Variants in SMYD3 observed in about 807,000 individuals in gnomAD.
The protein encoded by SMYD3 is SET and MYND domain containing 3.
A neutral mutation model predicts 57.7 loss-of-function variants in SMYD3; 36 were observed. The observed-to-expected ratio is 0.62, with a 90% CI of 0.48 to 0.82. The LOEUF is 0.82. SMYD3 is among the 40% of genes least tolerant of loss of function. The pLI, the probability that SMYD3 is intolerant of heterozygous loss-of-function variation, is 0.00. For synonymous variants in SMYD3, 211 were observed against 195.0 expected, an observed-to-expected ratio of 1.08 and a Z score of -0.68; for missense variants, 515 against 538.8, an observed-to-expected ratio of 0.96 and a Z score of 0.44.
At chr1:245,912,937 T>G (rs972454215) in intron 8 of SMYD3, among the ~76,000 whole-genome samples, 1 of 152,186 alleles carries the variant, frequency 6.6e-6, no homozygotes, top group Non-Finnish European at 1.5e-5. Context: ...GTTCAACCAT[T>G]GTGGAAAACA....
intron 10 of SMYD3, among the ~76,000 whole-genome samples, chr1:245,775,834 T>C (rs976731132): frequency 2.0e-5 from 3 of 150,748 alleles, no homozygotes; most frequent in Non-Finnish European, 4.4e-5. Context: ...CAAAGAAAAA[T>C]TGAAAATTTG....
At chr1:246,234,066 A>T (rs2148457446) in intron 5 of SMYD3, among the ~76,000 whole-genome samples, 1 of 141,430 alleles carries the variant, frequency 7.1e-6, no homozygotes, top group African/African-American at 2.6e-5. Context: ...CACAGAGGAG[A>T]AGCACTCCTT....
intron 1 of SMYD3, among the ~76,000 whole-genome samples, chr1:246,409,846 T>C (rs2066933051): frequency 6.6e-6 from 1 of 152,222 alleles, no homozygotes; most frequent in African/African-American, 2.4e-5. Flanking sequence ...TCCTCTTTTA[T>C]TTCATTGAGC....
chr1:245,800,679 G>C (rs1156453626), intron 10 of SMYD3, among the ~76,000 whole-genome samples: 2 of 152,150 alleles, frequency 1.3e-5, no homozygotes, highest in African/African-American at 4.8e-5. Context: ...TGTTCTTAAA[G>C]ACTGTTTTGT....
chr1:246,255,558 T>C (rs2063868853), intron 5 of SMYD3, among the ~76,000 whole-genome samples: 1 of 152,026 alleles, frequency 6.6e-6, no homozygotes, highest in Non-Finnish European at 1.5e-5. Context: ...GTTTTTGATG[T>C]GCTGTTTTAT....
At position 245,816,259 on chromosome 1, in the gene SMYD3, C is replaced by G. The variant is rs185358424; in HGVS notation, c.1076+42237G>C. On this transcript the variant is annotated intron_variant, in intron 10 of 11. Transcript: ENST00000490107. ...AAAATCAAGTCCATTTCAGTTTAGA[C>G]GGCAGCAGCAAACTCCCCACAGAGA... Among the ~76,000 whole-genome samples, 643 of 152,148 alleles carry G rather than the reference C, an allele frequency of 4.2e-3. 4 individuals are homozygous for G. Among genetic ancestry groups the G allele is most frequent in the Non-Finnish European group, 6.2e-3 (423 of 67,996 alleles).
intron 2 of SMYD3, among the ~76,000 whole-genome samples, chr1:246,337,075 T>C (rs925678047): frequency 1.3e-5 from 2 of 152,184 alleles, no homozygotes; most frequent in African/African-American, 4.8e-5. Context: ...CAGTACTCAC[T>C]GAAAGGCATA....
chr1:246,410,133 TC>T (rs2066939787), intron 1 of SMYD3, among the ~76,000 whole-genome samples: 1 of 152,186 alleles, frequency 6.6e-6, no homozygotes. Context: ...CAATTTGACT[TC>T]CTCTTTTCCT....
At chr1:246,145,766 T>C (rs1164515236) in intron 5 of SMYD3, among the ~76,000 whole-genome samples, 2 of 152,232 alleles carry the variant, frequency 1.3e-5, no homozygotes, top group Non-Finnish European at 2.9e-5. Context: ...ACCATCCATG[T>C]AGACTGCTAA....
At chr1:246,390,627 C>T (rs796932644) in intron 1 of SMYD3, among the ~76,000 whole-genome samples, 1 of 152,084 alleles carries the variant, frequency 6.6e-6, no homozygotes, top group Non-Finnish European at 1.5e-5. Flanking sequence ...GTTTTTAAAA[C>T]ATGAAACTTT....
intron 5 of SMYD3, among the ~76,000 whole-genome samples, chr1:246,223,574 AGTCAGT>A (rs966994130): frequency 6.6e-6 from 1 of 152,096 alleles, no homozygotes; most frequent in Non-Finnish European, 1.5e-5. Context: ...CTGAAAATGG[AGTCAGT>A]GTCACCAGAA....
intron 1 of SMYD3, among the ~76,000 whole-genome samples, chr1:246,392,363 G>A (rs1018746010): frequency 6.6e-6 from 1 of 152,090 alleles, no homozygotes; most frequent in Non-Finnish European, 1.5e-5. Context: ...TAACCAACAT[G>A]AGAGGAGCAC....
chr1:246,077,399 G>A (rs1437348350), intron 5 of SMYD3, among the ~76,000 whole-genome samples: 1 of 152,120 alleles, frequency 6.6e-6, no homozygotes, highest in Non-Finnish European at 1.5e-5. Flanking sequence ...TATGTAAAGA[G>A]AACAACAAGT....
intron 5 of SMYD3, among the ~76,000 whole-genome samples, chr1:246,301,959 C>T (rs937996023): frequency 6.6e-6 from 1 of 152,138 alleles, no homozygotes; most frequent in East Asian, 1.9e-4. Flanking sequence ...TGAAAATCAT[C>T]CCTTCCTCAT....
At chr1:246,156,592 A>G (rs1439564479) in intron 5 of SMYD3, among the ~76,000 whole-genome samples, 1 of 152,252 alleles carries the variant, frequency 6.6e-6, no homozygotes, top group African/African-American at 2.4e-5. Flanking sequence ...TATGCCAACC[A>G]TTAGGGATAT....
At chr1:245,907,074 C>A (rs9725614) in intron 8 of SMYD3, among the ~76,000 whole-genome samples, 3 of 152,056 alleles carry the variant, frequency 2.0e-5, no homozygotes, top group African/African-American at 7.3e-5. Flanking sequence ...GCAAATCGTA[C>A]GTGGTTTACA....
At chr1:246,082,415 A>C (rs1312010973) in intron 5 of SMYD3, among the ~76,000 whole-genome samples, 2 of 152,062 alleles carry the variant, frequency 1.3e-5, no homozygotes, top group African/African-American at 4.8e-5. Context: ...TGGACCTGTG[A>C]CTTATGACTC....
intron 1 of SMYD3, among the ~76,000 whole-genome samples, chr1:246,369,504 T>C (rs966778733): frequency 2.0e-5 from 3 of 152,090 alleles, no homozygotes; most frequent in Admixed American, 6.5e-5. Flanking sequence ...CATAGGAAAA[T>C]AGAATTGATT....
chr1:246,055,277 A>C (rs2060132835), intron 5 of SMYD3, among the ~76,000 whole-genome samples: 1 of 152,142 alleles, frequency 6.6e-6, no homozygotes, highest in Admixed American at 6.5e-5. Context: ...CTATTGTGGA[A>C]AACAGTCTGG....
Sources: allele counts gnomAD v4.1 joint callset (sites outside exome capture counted in the v4.1 genomes callset), GRCh38; gene constraint gnomAD v4.1.1; transcripts MANE v1.5; gene names NCBI Gene and HGNC (gene_info 2026-07-23, HGNC 2026-07-21).